The following ANTXR2 variants were observed in gnomAD, a reference collection of about 807,000 sequenced individuals.
ANTXR2 encodes ANTXR cell adhesion molecule 2.
Under a neutral mutation model 73.7 loss-of-function variants are expected in ANTXR2, and 44 were observed. The ratio of observed to expected loss-of-function variants is 0.60; its 90% CI spans 0.47 to 0.77. The LOEUF (loss-of-function observed/expected upper bound fraction) is 0.77, where lower values mean the gene tolerates loss of function less well. Among genes scored for constraint, ANTXR2 ranks in the 30% least tolerant of loss-of-function variants. ANTXR2 has a pLI of 0.00. For missense variants in ANTXR2, 604 were observed against 592.5 expected, an observed-to-expected ratio of 1.02 and a Z score of -0.20; for synonymous variants, 217 against 205.9, an observed-to-expected ratio of 1.05 and a Z score of -0.46.
At position 80,031,009 on chromosome 4, in the gene ANTXR2, A is replaced by T. The variant is rs190213446; in HGVS notation, c.866+614T>A. Among the ~76,000 whole-genome samples the T allele has an allele frequency of 2.5e-3, 376 of 152,184 alleles. 2 individuals are homozygous for T. The highest frequency in any genetic ancestry group is 1.2e-3 in the Non-Finnish European group (81 of 67,954). ...GAATTACTTGTGTATAAACAATTCAAATAAGACTCCTTCATCCAAACTAAA... is the reference window on the plus strand; with the variant it reads ...GAATTACTTGTGTATAAACAATTCATATAAGACTCCTTCATCCAAACTAAA... On this transcript the variant is annotated intron_variant, in intron 10 of 16. Coordinates refer to ENST00000403729, the MANE Select transcript of ANTXR2 (RefSeq NM_058172.6).
At chr4:79,993,953 A>C (rs193242703) in intron 12 of ANTXR2, among the ~76,000 whole-genome samples, 2 of 151,468 alleles carry the variant, frequency 1.3e-5, no homozygotes, top group East Asian at 3.9e-4. Flanking sequence ...TCACATATTG[A>C]TTTGGTCAAT....
intron 16 of ANTXR2, among the ~76,000 whole-genome samples, chr4:79,955,654 T>A (rs966554355): frequency 4.6e-5 from 7 of 152,180 alleles, no homozygotes; most frequent in East Asian, 1.9e-4. Flanking sequence ...TAGATTTTTT[T>A]AAAAAAACAA....
At chr4:79,956,856 C>A (rs1728906539) in intron 16 of ANTXR2, among the ~76,000 whole-genome samples, 1 of 151,952 alleles carries the variant, frequency 6.6e-6, no homozygotes, top group African/African-American at 2.4e-5. Context: ...AGGAAGGAGA[C>A]CCCGGGCAAA....
intron 6 of ANTXR2, 122 bp from the exon 7 acceptor site, chr4:80,054,474 T>C: frequency 4.5e-6 from 3 of 674,114 alleles, no homozygotes; most frequent in Non-Finnish European, 7.6e-6. Flanking sequence ...TTTACCAGCG[T>C]GATCTGTGTT....
intron 3 of ANTXR2, among the ~76,000 whole-genome samples, chr4:80,059,347 C>T (rs1734138958): frequency 6.6e-6 from 1 of 151,574 alleles, no homozygotes; most frequent in South Asian, 2.1e-4. Flanking sequence ...GTGTTTTCCT[C>T]GCTTTCATTT....
intron 16 of ANTXR2, among the ~76,000 whole-genome samples, chr4:79,947,019 C>T (rs1728540208): frequency 6.6e-6 from 1 of 152,148 alleles, no homozygotes; most frequent in African/African-American, 2.4e-5. Flanking sequence ...TGTGTTTAAG[C>T]TACCTGCTTC....
chr4:79,926,979 G>GTGCATATATGTGTATATACACA (rs1297326048), intron 16 of ANTXR2, among the ~76,000 whole-genome samples: 1 of 43,730 alleles, frequency 2.3e-5, no homozygotes, highest in Non-Finnish European at 7.7e-5. Flanking sequence ...GTATATATAC[G>GTGCATATATGTGTATATACACA]TGTGCATATA....
At chr4:79,979,603 C>G (rs931921016) in intron 14 of ANTXR2, among the ~76,000 whole-genome samples, 3 of 152,054 alleles carry the variant, frequency 2.0e-5, no homozygotes, top group African/African-American at 4.8e-5. Context: ...TAAAATGTAT[C>G]TATATCTTTC....
intron 16 of ANTXR2, among the ~76,000 whole-genome samples, chr4:79,924,851 G>A (rs556666813): frequency 3.3e-5 from 5 of 152,048 alleles, no homozygotes; most frequent in Admixed American, 1.3e-4. Flanking sequence ...AACAAAAAAG[G>A]TCCTAGTGTT....
intron 16 of ANTXR2, among the ~76,000 whole-genome samples, chr4:79,957,864 G>A (rs1165533237): frequency 6.6e-6 from 1 of 151,996 alleles, no homozygotes; most frequent in East Asian, 1.9e-4. Flanking sequence ...GGGAGGAAGG[G>A]AAGGAAAACA....
At chr4:79,947,870 G>T (rs1353421907) in intron 16 of ANTXR2, among the ~76,000 whole-genome samples, 1 of 151,984 alleles carries the variant, frequency 6.6e-6, no homozygotes, top group Non-Finnish European at 1.5e-5. Flanking sequence ...AACAGATTTT[G>T]GCCCTACCTT....
At chr4:80,045,540 G>C (rs1166314235) in intron 7 of ANTXR2, among the ~76,000 whole-genome samples, 1 of 148,740 alleles carries the variant, frequency 6.7e-6, no homozygotes, top group African/African-American at 2.5e-5. Flanking sequence ...CAGCATGTCA[G>C]AAAATATTGG....
chr4:79,903,250 G>A lies in ANTXR2; in HGVS notation c.*4179C>T, dbSNP rs1203867179. The A allele has an allele frequency of 1.3e-5, 2 of 151,992 alleles. No individual in the cohort carries two copies. The highest frequency in any genetic ancestry group is 2.4e-5 in the African/African-American group (1 of 41,384). 9.4% of individuals were successfully genotyped at this position (151,992 alleles called of 1,614,324 possible). On this transcript the variant is annotated 3_prime_UTR_variant, in exon 17 of 17. Transcript: ENST00000403729. ...GAGTTGATCTGTTCAACATCAGCAA[G>A]CTAGTTGATGGCTGGGTCTATGGTC...
At chr4:80,054,100 C>T (rs1347601213) in intron 7 of ANTXR2, among the ~76,000 whole-genome samples, 172 bp downstream of exon 7, 2 of 151,682 alleles carry the variant, frequency 1.3e-5, no homozygotes, top group Non-Finnish European at 3.0e-5. Flanking sequence ...ATGTCAGTTA[C>T]AAACAAAATT....
At chr4:79,926,501 G>A (rs1484063906) in intron 16 of ANTXR2, among the ~76,000 whole-genome samples, 1 of 151,960 alleles carries the variant, frequency 6.6e-6, no homozygotes, top group Non-Finnish European at 1.5e-5. Context: ...TTTAAGCTTA[G>A]AAAGAAACAT....
intron 10 of ANTXR2, among the ~76,000 whole-genome samples, chr4:80,026,535 A>T (rs1330599960): frequency 7.6e-6 from 1 of 132,090 alleles, no homozygotes; most frequent in Non-Finnish European, 1.8e-5. Flanking sequence ...TATTTCAAGA[A>T]TATTCTCTAC....
chr4:79,915,854 CTCTCTCT>C, intron 16 of ANTXR2, among the ~76,000 whole-genome samples: 1 of 111,292 alleles, frequency 9.0e-6, no homozygotes, highest in South Asian at 3.1e-4. Context: ...CTCTCTCTCT[CTCTCTCT>C]CTATATATAT....
chr4:79,949,957 A>T (rs1397998937), intron 16 of ANTXR2, among the ~76,000 whole-genome samples: 1 of 152,154 alleles, frequency 6.6e-6, no homozygotes, highest in Admixed American at 6.6e-5. Context: ...ATAACTGATG[A>T]TTATATTTGA....
chr4:80,003,232 T>TA (rs1731138212), intron 12 of ANTXR2, among the ~76,000 whole-genome samples: 1 of 151,770 alleles, frequency 6.6e-6, no homozygotes, highest in African/African-American at 2.4e-5. Context: ...TATGCAGCCA[T>TA]AAAAAATGAT....
Sources: gnomAD v4.1 joint callset for allele counts (sites outside exome capture counted in the v4.1 genomes callset) on GRCh38, gnomAD v4.1.1 for gene constraint, MANE v1.5 for transcripts, NCBI Gene and HGNC (gene_info 2026-07-23, HGNC 2026-07-21) for gene names.